NTM: variants seen among roughly 807,000 people sequenced by gnomAD.
The protein encoded by NTM is neurotrimin.
Under a neutral mutation model 42.1 loss-of-function variants are expected in NTM, and 13 were observed. That is an observed-to-expected ratio of 0.31 (90% CI 0.20 to 0.49). The LOEUF (loss-of-function observed/expected upper bound fraction) is 0.49, where lower values mean the gene tolerates loss of function less well. Ranked by LOEUF, NTM falls within the 20% of genes least tolerant of loss-of-function variation. The probability of loss-of-function intolerance (pLI) is 0.99; values close to 1 mark genes in which losing one functional copy is unlikely to be tolerated. For synonymous variants in NTM, 187 were observed against 179.2 expected (o/e 1.04, Z -0.35); for missense variants, 373 against 452.8 (o/e 0.82, Z 1.60).
intron 1 of NTM, among the ~76,000 whole-genome samples, chr11:131,845,896 C>T (rs1033100348): frequency 2.0e-5 from 3 of 152,082 alleles, no homozygotes; most frequent in African/African-American, 7.2e-5. Context: ...GGTTTTGAAT[C>T]AAGGCAGTTC....
chr11:132,066,874 C>A (rs1439523605), intron 2 of NTM, among the ~76,000 whole-genome samples: 1 of 152,152 alleles, frequency 6.6e-6, no homozygotes, highest in Non-Finnish European at 1.5e-5. Context: ...TACCCCCACC[C>A]CAACCTCCTC....
intron 1 of NTM, among the ~76,000 whole-genome samples, chr11:131,740,055 T>C (rs1177121828): frequency 6.6e-6 from 1 of 152,204 alleles, no homozygotes; most frequent in Non-Finnish European, 1.5e-5. Context: ...CTGCGCAGAT[T>C]GCTGAGTAAG....
At chr11:131,554,064 T>C (rs1223768075) in intron 1 of NTM, among the ~76,000 whole-genome samples, 2 of 152,242 alleles carry the variant, frequency 1.3e-5, no homozygotes, top group Admixed American at 6.5e-5. Context: ...CGAATGCTTC[T>C]CTTCCAGCCT....
At chr11:131,722,706 T>A (rs1286416823) in intron 1 of NTM, among the ~76,000 whole-genome samples, 2 of 152,178 alleles carry the variant, frequency 1.3e-5, no homozygotes, top group African/African-American at 4.8e-5. Context: ...GCAGGGCCAC[T>A]AGAGAAGTGA....
chr11:131,695,524 G>A (rs746057166), intron 1 of NTM, among the ~76,000 whole-genome samples: 2 of 152,150 alleles, frequency 1.3e-5, no homozygotes, highest in African/African-American at 4.8e-5. Context: ...TGAGGTTGTC[G>A]GGTTTTGATC....
At chr11:132,115,935 A>G (rs188450847) in intron 2 of NTM, among the ~76,000 whole-genome samples, 23 of 152,326 alleles carry the variant, frequency 1.5e-4, no homozygotes, top group Non-Finnish European at 2.9e-4. Context: ...GCCTTTACAC[A>G]GGCTCATCCT....
chr11:132,285,143 A>T (rs1330670030), intron 4 of NTM: 1 of 151,660 alleles, frequency 6.6e-6, no homozygotes, highest in African/African-American at 2.4e-5. Context: ...TCCCACCTGG[A>T]CTCCCCCTCT....
chr11:131,546,798 G>C (rs1184442051), intron 1 of NTM: 2 of 152,316 alleles, frequency 1.3e-5, no homozygotes, highest in Admixed American at 1.3e-4. Flanking sequence ...GGTTTGTGAG[G>C]AAAGCAGGAG....
At chr11:131,455,301 C>T (rs1331630548) in intron 1 of NTM, among the ~76,000 whole-genome samples, 1 of 152,158 alleles carries the variant, frequency 6.6e-6, no homozygotes, top group East Asian at 1.9e-4. Flanking sequence ...CAAGCGGAGG[C>T]TCACCCCAGA....
At chr11:131,911,757 C>A in intron 2 of NTM, 109 bp downstream of exon 2, 1 of 1,355,536 alleles carries the variant, frequency 7.4e-7, no homozygotes, top group Middle Eastern at 1.9e-4. Flanking sequence ...GGAGAGGTCG[C>A]TGGTTCCCTG....
intron 1 of NTM, among the ~76,000 whole-genome samples, chr11:131,600,646 A>G (rs956780301): frequency 6.6e-6 from 1 of 152,194 alleles, no homozygotes; most frequent in African/African-American, 2.4e-5. Flanking sequence ...GGGGAATGTA[A>G]ATATCCTGCC....
intron 3 of NTM, among the ~76,000 whole-genome samples, chr11:132,186,303 G>A (rs1408073142): frequency 6.6e-6 from 1 of 152,142 alleles, no homozygotes; most frequent in African/African-American, 2.4e-5. Context: ...CAACAAAATG[G>A]TTGGGAGACA....
intron 2 of NTM, among the ~76,000 whole-genome samples, chr11:131,939,922 T>G (rs1390117740): frequency 6.6e-6 from 1 of 152,152 alleles, no homozygotes; most frequent in East Asian, 1.9e-4. Flanking sequence ...GTGAGGATAA[T>G]AGAAAGTTTG....
intron 2 of NTM, among the ~76,000 whole-genome samples, chr11:132,078,531 T>G (rs1790183): frequency 6.6e-6 from 1 of 152,030 alleles, no homozygotes; most frequent in African/African-American, 2.4e-5. Context: ...GGAGAAGAAA[T>G]GGAGGGGAAC....
intron 2 of NTM, among the ~76,000 whole-genome samples, chr11:131,938,678 C>T (rs1002650450): frequency 2.0e-5 from 3 of 152,066 alleles, no homozygotes; most frequent in Non-Finnish European, 2.9e-5. Context: ...AATACTGTTC[C>T]GGAGCTTCCT....
At chr11:132,081,736 AAAGAT>A (rs2059086513) in intron 2 of NTM, among the ~76,000 whole-genome samples, 1 of 151,690 alleles carries the variant, frequency 6.6e-6, no homozygotes. Flanking sequence ...AAAAAAAAAA[AAAGAT>A]AGAAGCCAGA....
intron 1 of NTM, chr11:131,796,037 C>G: frequency 1.0e-6 from 1 of 985,380 alleles, no homozygotes; most frequent in Non-Finnish European, 1.2e-6. Context: ...CCAGCATGTG[C>G]ATCGAGGTGT....
chr11:131,606,018 T>C (rs1402675153), intron 1 of NTM: 1 of 372,270 alleles, frequency 2.7e-6, no homozygotes, highest in Non-Finnish European at 3.7e-6. Context: ...GGGACCAAGT[T>C]TGTCCAGTTC....
intron 1 of NTM, among the ~76,000 whole-genome samples, chr11:131,858,670 G>A (rs1483613357): frequency 1.3e-5 from 2 of 152,220 alleles, no homozygotes; most frequent in Non-Finnish European, 2.9e-5. Flanking sequence ...CGAGCTCACT[G>A]GCTTTGCTGA....
Sources: gnomAD v4.1 joint callset for allele counts (sites outside exome capture counted in the v4.1 genomes callset) on GRCh38, gnomAD v4.1.1 for gene constraint, MANE v1.5 for transcripts, NCBI Gene and HGNC (gene_info 2026-07-23, HGNC 2026-07-21) for gene names.